CD163: variants seen among roughly 807,000 people sequenced by gnomAD.
The protein encoded by CD163 is CD163 molecule.
A neutral mutation model predicts 129.2 loss-of-function variants in CD163; 64 were observed. That is an observed-to-expected ratio of 0.50 (90% CI 0.41 to 0.61). The LOEUF (loss-of-function observed/expected upper bound fraction) is 0.61, where lower values mean the gene tolerates loss of function less well. Ranked by LOEUF, CD163 falls within the 20% of genes least tolerant of loss-of-function variation. The pLI is 0.00. For synonymous variants in CD163, 446 were observed against 478.5 expected (o/e 0.93, Z 0.89); for missense variants, 1,061 against 1,377.9 (o/e 0.77, Z 3.64).
chr12:7,486,789 T>C lies in CD163; in HGVS notation c.2168A>G (p.Asn723Ser). Reference sequence around the variant, plus strand: ...TCTCCCAGCACAGCGACCTCCTCCATTTACCAGGCGAAGTTGACCACTCTC... The same window carrying C: ...TCTCCCAGCACAGCGACCTCCTCCACTTACCAGGCGAAGTTGACCACTCTC... ...CIESGQLRLV[N>S]GGGRCAGRVE... The change falls in exon 10 of 17, where the codon AAT (asparagine) becomes AGT (serine). Residue 723 changes from asparagine (N) to serine (S), a missense_variant. Asn to Ser is a conservative substitution (Grantham distance 46). Coordinates refer to ENST00000432237, the MANE Select transcript of CD163 (RefSeq NM_203416.4). 6.2e-7 allele frequency: 1 copy of C among 1,610,526 alleles called. No individual in the cohort carries two copies. The highest frequency in any genetic ancestry group is 1.7e-4 in the Middle Eastern group (1 of 6,040).
In CD163 at chr12:7,482,643, C is replaced by T. The variant is rs1184929912; in HGVS notation, c.3247G>A (p.Val1083Ile). The T allele has an allele frequency of 6.2e-7, 1 of 1,614,018 alleles. No individual in the cohort carries two copies. Among genetic ancestry groups the T allele is most frequent in the Non-Finnish European group, 8.5e-7 (1 of 1,179,946 alleles). Reference sequence around the variant, plus strand: ...TAGATAAACCAAATTTGGCTCAAACCTGCAAGCCGCTGTCTCTGTCTTCGC... The same window carrying T: ...TAGATAAACCAAATTTGGCTCAAACTTGCAAGCCGCTGTCTCTGTCTTCGC... ...KKRRQRQRLA[V>I]SSRGENLVHQ... The change falls in exon 14 of 17, where the codon GTT becomes ATT. Residue 1083 changes from valine (V) to isoleucine (I), a missense_variant and splice_region_variant. Physicochemically the swap from Val to Ile is conservative, Grantham distance 29. Transcript: ENST00000432237.
At chr12:7,500,364 T>C (rs999467189) in intron 3 of CD163, among the ~76,000 whole-genome samples, 2 of 132,862 alleles carry the variant, frequency 1.5e-5, no homozygotes, top group East Asian at 2.2e-4. Flanking sequence ...GAGGTTGCAG[T>C]GAGCCGAGAT....
At chr12:7,486,846 C>CA in intron 9 of CD163, 33 bp from the exon 10 acceptor site, 1 of 1,604,416 alleles carries the variant, frequency 6.2e-7, no homozygotes, top group Non-Finnish European at 8.5e-7. Context: ...TAATAATGAG[C>CA]ATTCCACTTG....
chr12:7,498,021 GA>G (rs1480634340), intron 4 of CD163, among the ~76,000 whole-genome samples: 1 of 152,102 alleles, frequency 6.6e-6, no homozygotes, highest in Non-Finnish European at 1.5e-5. Context: ...TCAAGAACCT[GA>G]ATCCAACCAT....
In CD163 at chr12:7,499,009, T is replaced by G. The variant is rs750130827; in HGVS notation, c.637A>C (p.Asn213His). ...ATTGGTCCAGAGCCTTCTCCAAAATTAGATGAACCAGAGAAACTGACAGCA... is the reference window on the plus strand; with the variant it reads ...ATTGGTCCAGAGCCTTCTCCAAAATGAGATGAACCAGAGAAACTGACAGCA... ...GSAVSFSGSS[N>H]FGEGSGPIWF... The change falls in exon 4 of 17, where the codon AAT becomes CAT. Residue 213 changes from asparagine (N) to histidine (H), a missense_variant. Physicochemically the swap from Asn to His is moderately conservative, Grantham distance 68. Transcript: ENST00000432237. 2 of 1,614,074 alleles carry G rather than the reference T, an allele frequency of 1.2e-6. No homozygotes were observed. The highest frequency in any genetic ancestry group is 1.7e-6 in the Non-Finnish European group (2 of 1,180,036).
chr12:7,493,630 T>G (rs182544262), intron 6 of CD163, among the ~76,000 whole-genome samples: 11 of 152,252 alleles, frequency 7.2e-5, no homozygotes, highest in African/African-American at 2.6e-4. Context: ...ATACAAACCA[T>G]TATAAATTTA....
intron 3 of CD163, among the ~76,000 whole-genome samples, chr12:7,499,870 C>T (rs1949455168): frequency 6.6e-6 from 1 of 152,110 alleles, no homozygotes; most frequent in African/African-American, 2.4e-5. Flanking sequence ...TCTTCAGCAC[C>T]TGTTACATAC....
chr12:7,485,487 G>T lies in CD163; in HGVS notation c.2459-71C>A. The T allele has an allele frequency of 8.0e-7, 1 of 1,249,920 alleles. No homozygotes were observed. Among genetic ancestry groups the T allele is most frequent in the Non-Finnish European group, 1.1e-6 (1 of 885,190 alleles). The allele number at this position is 1,249,920 out of a possible 1,614,324, so 77.4% of individuals were successfully genotyped here. On this transcript the variant is annotated intron_variant, in intron 10 of 16. Transcript: ENST00000432237. This position sits in a 1 kb window ranked among gnomAD's most constrained non-coding sequence, Gnocchi z 4.5. ...TTCAGAGACTCCTTCCCTTTACCTT[G>T]ATGTAAGAATGGCTTTAAAAATAGG...
At chr12:7,474,378 C>G (rs1949055373) in intron 16 of CD163, among the ~76,000 whole-genome samples, 1 of 151,938 alleles carries the variant, frequency 6.6e-6, no homozygotes, top group African/African-American at 2.4e-5. Flanking sequence ...ATAACAGTCT[C>G]TCAAACCACA....
intron 6 of CD163, among the ~76,000 whole-genome samples, chr12:7,488,724 C>G (rs1482965323): frequency 1.3e-5 from 2 of 152,144 alleles, no homozygotes; most frequent in African/African-American, 2.4e-5. Flanking sequence ...ATATTTTCAT[C>G]CATACTTTTT....
At chr12:7,484,725 T>A (rs1446316598) in intron 11 of CD163, among the ~76,000 whole-genome samples, 1 of 151,814 alleles carries the variant, frequency 6.6e-6, no homozygotes, top group Non-Finnish European at 1.5e-5. Context: ...CTCCTTATAT[T>A]AGTGTAACAA....
intron 10 of CD163, 150 bp downstream of exon 10, chr12:7,486,349 C>T (rs1216569524): frequency 7.1e-6 from 5 of 709,000 alleles, no homozygotes; most frequent in East Asian, 5.4e-5. Context: ...ACCACTAGCA[C>T]ATCAAACCCA....
intron 3 of CD163, 112 bp downstream of exon 3, chr12:7,501,027 A>G: frequency 1.2e-6 from 1 of 858,970 alleles, no homozygotes; most frequent in Non-Finnish European, 1.9e-6. Flanking sequence ...GTACTTTTAT[A>G]CATGAACTAG....
chr12:7,483,792 T>A (rs1257155938), intron 11 of CD163, 117 bp from the exon 12 acceptor site: 5 of 288,326 alleles, frequency 1.7e-5, no homozygotes, highest in African/African-American at 9.0e-5. Flanking sequence ...AAAATTTTAC[T>A]GAATGTGCAT....
rs138083362 is a variant in CD163 at position 7,496,915 on chromosome 12, C to T, written c.997G>A (p.Val333Ile). The change falls in exon 5 of 17, where the codon GTT becomes ATT. Residue 333 changes from valine to isoleucine, a missense_variant. Transcript: ENST00000432237. The surrounding 1 kb of genome is among the most constrained non-coding windows in gnomAD (Gnocchi z 4.8). ...KGFGHIWLDS[V>I]SCQGHEPAIW... ...GCAGGTTCATGTCCCTGGCAAGAAA[C>T]GCTGTCAAGCCAGATGTGTCCAAAT... The T allele has an allele frequency of 1.4e-5, 22 of 1,613,940 alleles. No homozygotes were observed. The highest frequency in any genetic ancestry group is 5.3e-5 in the African/African-American group (4 of 74,916).
At chr12:7,501,665 T>C (rs1949491717) in intron 2 of CD163, among the ~76,000 whole-genome samples, 1 of 152,250 alleles carries the variant, frequency 6.6e-6, no homozygotes, top group Non-Finnish European at 1.5e-5. Context: ...CAGTGCTATA[T>C]GACCAGTAAA....
Position 7,492,033 on chromosome 12 carries a change from A to C in CD163, c.1420+3048T>G, listed in dbSNP as rs1165552086. ...ATCAAATTCGTAGCTTGAATTTGGC[A>C]GGCACAGAGACAGCATATCATCATT... On this transcript the variant is annotated intron_variant, in intron 6 of 16. Coordinates refer to ENST00000432237, the MANE Select transcript of CD163 (RefSeq NM_203416.4). 2.0e-5 allele frequency among the ~76,000 whole-genome samples: 3 copies of C among 152,278 alleles called. No individual in the cohort carries two copies. The East Asian group carries it at 5.8e-4, about 29-fold the overall frequency.
rs756972102 is a variant in CD163 at position 7,482,646 on chromosome 12, C to T, written c.3244G>A (p.Ala1082Thr). The T allele has an allele frequency of 1.4e-5, 22 of 1,614,016 alleles. No individual in the cohort carries two copies. The South Asian group carries it at 2.3e-4, about 17-fold the overall frequency. ...TKKRRQRQRL[A>T]VSSRGENLVH... ...ATAAACCAAATTTGGCTCAAACCTG[C>T]AAGCCGCTGTCTCTGTCTTCGCTTT... The change falls in exon 14 of 17, where the codon GCA becomes ACA. Residue 1082 changes from alanine to threonine, a missense_variant. Transcript: ENST00000432237.
intron 16 of CD163, among the ~76,000 whole-genome samples, chr12:7,473,934 C>T (rs1271971292): frequency 6.6e-6 from 1 of 151,956 alleles, no homozygotes; most frequent in African/African-American, 2.4e-5. Context: ...CAATTCTAGT[C>T]TATGATAAAA....
Sources: allele counts gnomAD v4.1 joint callset (sites outside exome capture counted in the v4.1 genomes callset), GRCh38; gene constraint gnomAD v4.1.1; non-coding constraint Gnocchi (gnomAD v3.1); transcripts MANE v1.5; gene names NCBI Gene and HGNC (gene_info 2026-07-23, HGNC 2026-07-21).